The following DMXL1 variants were observed in gnomAD, a reference collection of about 807,000 sequenced individuals.
DMXL1 encodes the protein Dmx like 1.
DMXL1 carries 99 observed loss-of-function variants against 319.2 expected under a neutral mutation model. The ratio of observed to expected loss-of-function variants is 0.31; its 90% confidence interval spans 0.26 to 0.37. The LOEUF (loss-of-function observed/expected upper bound fraction) is 0.37, where lower values mean the gene tolerates loss of function less well. Ranked by LOEUF, DMXL1 falls within the 10% of genes least tolerant of loss-of-function variation. The pLI is 1.00. For missense variants in DMXL1, 3,745 were observed against 3,595.6 expected (o/e 1.04, Z -1.06); for synonymous variants, 1,385 against 1,235.2 (o/e 1.12, Z -2.54).
intron 15 of DMXL1, among the ~76,000 whole-genome samples, chr5:119,146,171 ATTTAT>A (rs1768485998): frequency 6.6e-6 from 1 of 151,758 alleles, no homozygotes; most frequent in Non-Finnish European, 1.5e-5. Flanking sequence ...ATGTTCTACG[ATTTAT>A]TTTGTTTTTA....
intron 39 of DMXL1, 195 bp from the exon 40 acceptor site, chr5:119,237,127 T>C (rs1268799527): frequency 2.9e-6 from 1 of 345,392 alleles, no homozygotes; most frequent in Non-Finnish European, 5.3e-6. Flanking sequence ...TTGTTCTCTT[T>C]ATGTTCACCC....
At position 119,166,832 on chromosome 5, in the gene DMXL1, C is replaced by A. The variant is rs749420711; in HGVS notation, c.5136+51C>A. ...AGTATAGCAATGTCATCTTTTAAAG[C>A]TCCTTAGTGCTTAAATTTTTATTTT... On this transcript the variant is annotated intron_variant, in intron 22 of 43. Coordinates refer to ENST00000539542, the MANE Select transcript of DMXL1 (RefSeq NM_001290321.3). The A allele has an allele frequency of 1.2e-5, 17 of 1,408,592 alleles. No individual in the cohort carries two copies. The Admixed American group carries it at 4.0e-4, about 33-fold the overall frequency. 87.3% of individuals were successfully genotyped at this position (1,408,592 alleles called of 1,614,324 possible).
At chr5:119,167,913 T>G in intron 23 of DMXL1, 49 bp downstream of exon 23, 1 of 1,545,950 alleles carries the variant, frequency 6.5e-7, no homozygotes, top group Non-Finnish European at 8.8e-7. Flanking sequence ...TATTGGTAAT[T>G]GCTACATGTG....
In DMXL1 at chr5:119,150,375, T is replaced by G. The variant is rs373077176; in HGVS notation, c.4548T>G (p.Ile1516Met). Residue 1516 changes from isoleucine to methionine, a missense_variant, in exon 18 of 44, where the codon ATT (isoleucine) becomes ATG (methionine). Around this residue, in one of 4 missense-constraint regions of DMXL1, gnomAD observed 2,096 missense variants for 1,985.4 expected, o/e 1.06. Coordinates refer to ENST00000539542, the MANE Select transcript of DMXL1 (RefSeq NM_001290321.3). ...QMSLMALADT[I>M]ATTSTDIGES... is the part of the protein sequence containing the mutation. The stretch of plus-strand genomic sequence containing the variant: ...CTTTGATGGCCTTAGCAGATACAAT[T>G]GCAACTACAAGCACTGATATTGGAG... The G allele has an allele frequency of 1.2e-6, 2 of 1,613,640 alleles. No individual in the cohort carries two copies. Among genetic ancestry groups the G allele is most frequent in the Non-Finnish European group, 1.7e-6 (2 of 1,179,738 alleles).
chr5:119,082,216 G>T (rs1422799887), intron 1 of DMXL1, among the ~76,000 whole-genome samples: 1 of 152,012 alleles, frequency 6.6e-6, no homozygotes, highest in Non-Finnish European at 1.5e-5. Context: ...AGTTTAAACA[G>T]TCATGCTACC....
intron 38 of DMXL1, among the ~76,000 whole-genome samples, chr5:119,229,002 A>C (rs946647990): frequency 6.6e-6 from 1 of 151,912 alleles, no homozygotes; most frequent in Non-Finnish European, 1.5e-5. Flanking sequence ...GACATGAAGC[A>C]CAGGAAATTA....
At chr5:119,176,233 G>T (rs1317419427) in intron 26 of DMXL1, among the ~76,000 whole-genome samples, 2 of 151,922 alleles carry the variant, frequency 1.3e-5, no homozygotes, top group Non-Finnish European at 2.9e-5. Flanking sequence ...AAATTATTTT[G>T]AGTATGGAGT....
At chr5:119,145,358 A>G (rs1034806934) in intron 15 of DMXL1, among the ~76,000 whole-genome samples, 3 of 151,602 alleles carry the variant, frequency 2.0e-5, no homozygotes, top group Admixed American at 1.3e-4. Flanking sequence ...AGAGTTCTGC[A>G]CTTTTATGTT....
intron 42 of DMXL1, among the ~76,000 whole-genome samples, chr5:119,241,679 C>G (rs747990683): frequency 6.6e-6 from 1 of 152,056 alleles, no homozygotes; most frequent in Non-Finnish European, 1.5e-5. Flanking sequence ...GGAGCACTTC[C>G]AGCATTACTA....
intron 38 of DMXL1, among the ~76,000 whole-genome samples, chr5:119,231,563 A>C (rs1413452028): frequency 1.3e-5 from 2 of 152,228 alleles, no homozygotes; most frequent in East Asian, 3.8e-4. Flanking sequence ...GGAGGTCATC[A>C]TCAGGGGATC....
chr5:119,231,860 A>C (rs1161232450), intron 38 of DMXL1, among the ~76,000 whole-genome samples: 1 of 152,214 alleles, frequency 6.6e-6, no homozygotes, highest in Non-Finnish European at 1.5e-5. Context: ...CTGATTGATT[A>C]AGCTTAAGCT....
intron 9 of DMXL1, among the ~76,000 whole-genome samples, chr5:119,122,135 G>A (rs1417787040): frequency 7.3e-6 from 1 of 136,362 alleles, no homozygotes; most frequent in Non-Finnish European, 1.6e-5. Context: ...CCGGGCGGGG[G>A]GCTGACCCCC....
At chr5:119,117,303 A>C (rs1174919485) in intron 7 of DMXL1, among the ~76,000 whole-genome samples, 1 of 152,094 alleles carries the variant, frequency 6.6e-6, no homozygotes, top group Non-Finnish European at 1.5e-5. Context: ...AGTCTCCCAA[A>C]GTGCTGGAAT....
chr5:119,114,672 T>C, intron 6 of DMXL1, 131 bp downstream of exon 6: 1 of 689,340 alleles, frequency 1.5e-6, no homozygotes, highest in East Asian at 3.0e-5. Context: ...ATTGTTTTTT[T>C]TGTTTGTTTG....
intron 9 of DMXL1, among the ~76,000 whole-genome samples, chr5:119,124,348 A>G (rs1002968401): frequency 5.3e-5 from 8 of 151,810 alleles, no homozygotes; most frequent in Non-Finnish European, 1.0e-4. Context: ...AGAAAGACCA[A>G]GGAACAAATG....
At position 119,109,424 on chromosome 5, in the gene DMXL1, C is replaced by G. The variant is rs143690321; in HGVS notation, c.365-727C>G. 6.5e-3 allele frequency among the ~76,000 whole-genome samples: 991 copies of G among 152,278 alleles called. 5 individuals are homozygous for G. Among genetic ancestry groups the G allele is most frequent in the South Asian group, 0.015 (74 of 4,828 alleles). On this transcript the variant is annotated intron_variant, in intron 4 of 43. Transcript: ENST00000539542. The stretch of plus-strand genomic sequence containing the variant: ...AGATCCAATTTTGTAACAACTCCCC[C>G]ACAATCCCCCACTGCCACTTGAAAA...
intron 39 of DMXL1, chr5:119,236,342 C>T (rs1482105814): frequency 6.6e-6 from 1 of 151,878 alleles, no homozygotes; most frequent in East Asian, 1.9e-4. Flanking sequence ...CAAAACTTTC[C>T]CATTTCTAGA....
intron 1 of DMXL1, among the ~76,000 whole-genome samples, chr5:119,085,245 C>T (rs1226283426): frequency 9.2e-5 from 14 of 151,794 alleles, no homozygotes; most frequent in African/African-American, 3.1e-4. Flanking sequence ...GCGTGAGAAT[C>T]GCTTGAACCC....
chr5:119,092,507 T>C (rs1420582133), intron 1 of DMXL1, among the ~76,000 whole-genome samples: 1 of 152,192 alleles, frequency 6.6e-6, no homozygotes, highest in Non-Finnish European at 1.5e-5. Flanking sequence ...TGAAATATAA[T>C]TTACATACCA....
Sources: gnomAD v4.1 joint callset for allele counts (sites outside exome capture counted in the v4.1 genomes callset) on GRCh38, gnomAD v4.1.1 for gene constraint, gnomAD v4.1.1 regional missense constraint, MANE v1.5 for transcripts, NCBI Gene and HGNC (gene_info 2026-07-23, HGNC 2026-07-21) for gene names.